DAB1: variants seen among roughly 807,000 people sequenced by gnomAD.
DAB1 encodes disabled homolog 1.
DAB1 carries 15 observed loss-of-function variants against 64.6 expected under a neutral mutation model. The observed-to-expected ratio is 0.23, with a 90% CI of 0.16 to 0.36. The LOEUF (loss-of-function observed/expected upper bound fraction) is 0.36, where lower values mean the gene tolerates loss of function less well. Among genes scored for constraint, DAB1 ranks in the 10% least tolerant of loss-of-function variants. The pLI, the probability that DAB1 is intolerant of heterozygous loss-of-function variation, is 1.00. For synonymous variants in DAB1, 235 were observed against 251.9 expected, an observed-to-expected ratio of 0.93 and a Z score of 0.64; for missense variants, 596 against 706.7, an observed-to-expected ratio of 0.84 and a Z score of 1.78.
intron 1 of DAB1, among the ~76,000 whole-genome samples, chr1:57,837,824 C>T (rs1652877550): frequency 6.8e-6 from 1 of 147,638 alleles, no homozygotes; most frequent in African/African-American, 2.5e-5. Context: ...CCACCACTAC[C>T]TCCGCCCCCA....
intron 6 of DAB1, among the ~76,000 whole-genome samples, chr1:57,688,875 G>T (rs960295497): frequency 6.6e-5 from 10 of 152,036 alleles, no homozygotes; most frequent in African/African-American, 2.4e-4. Context: ...GGGTAGTAGT[G>T]GACATAAAGA....
Position 58,308,048 on chromosome 1 carries a change from A to G in DAB1, n.309+35304T>C, listed in dbSNP as rs550168700. Among the ~76,000 whole-genome samples the G allele has an allele frequency of 6.6e-5, 10 of 152,230 alleles. 3 individuals are homozygous for G. In the South Asian group the frequency reaches 2.1e-3, roughly 32 times the overall value. On this transcript the variant is annotated intron_variant and non_coding_transcript_variant, in intron 4 of 20. Coordinates refer to the DAB1 transcript ENST00000485760. Reference sequence around the variant, plus strand: ...GAAGGAGAAAGGAGACTCTAGAAAAATTCAGCTTATTCTGCAGTGCAAATT... The same window carrying G: ...GAAGGAGAAAGGAGACTCTAGAAAAGTTCAGCTTATTCTGCAGTGCAAATT...
intron 5 of DAB1, among the ~76,000 whole-genome samples, chr1:57,901,192 T>A (rs771150805): frequency 2.0e-5 from 3 of 152,098 alleles, no homozygotes; most frequent in Non-Finnish European, 2.9e-5. Context: ...TGACCTTCCT[T>A]CTTGCTTTTT....
chr1:57,986,474 A>G (rs1646221854), intron 5 of DAB1, among the ~76,000 whole-genome samples: 1 of 152,178 alleles, frequency 6.6e-6, no homozygotes, highest in African/African-American at 2.4e-5. Context: ...GCCTTTAGAC[A>G]TGTACAAAAT....
intron 5 of DAB1, among the ~76,000 whole-genome samples, chr1:58,129,193 T>C (rs1462426321): frequency 6.6e-6 from 1 of 151,442 alleles, no homozygotes; most frequent in Non-Finnish European, 1.5e-5. Context: ...TGGGAGACTG[T>C]ATGTGTCCAG....
chr1:57,369,395 C>T (rs1680314052), intron 1 of DAB1, among the ~76,000 whole-genome samples: 1 of 150,534 alleles, frequency 6.6e-6, no homozygotes, highest in Admixed American at 6.6e-5. Flanking sequence ...GTCAGAAAAA[C>T]ATTTTTCCCT....
At chr1:57,307,060 C>G (rs1674245103) in intron 1 of DAB1, 1 of 152,204 alleles carries the variant, frequency 6.6e-6, no homozygotes, top group African/African-American at 2.4e-5. Flanking sequence ...CAGAACATAG[C>G]AACAGTGAAA....
chr1:58,416,743 C>T (rs79250455), intron 3 of DAB1, among the ~76,000 whole-genome samples: 5,082 of 152,078 alleles, frequency 0.033, 105 homozygotes, highest in African/African-American at 0.063. Context: ...TCACATGGTG[C>T]ATGCATTCAG....
intron 6 of DAB1, among the ~76,000 whole-genome samples, chr1:57,787,347 C>T (rs1354135650): frequency 6.6e-6 from 1 of 152,012 alleles, no homozygotes; most frequent in African/African-American, 2.4e-5. Flanking sequence ...TGGAACAGAA[C>T]AGTGTCCAAA....
chr1:57,375,756 G>A (rs1411303378), intron 1 of DAB1, among the ~76,000 whole-genome samples: 6 of 152,164 alleles, frequency 3.9e-5, no homozygotes, highest in Admixed American at 3.9e-4. Context: ...GTCTGTGTGT[G>A]TCTATTTGGA....
At chr1:58,114,873 A>G (rs955417150) in intron 5 of DAB1, among the ~76,000 whole-genome samples, 18 of 152,200 alleles carry the variant, frequency 1.2e-4, no homozygotes, top group Admixed American at 1.0e-3. Flanking sequence ...TGATTGGATT[A>G]TGTCTGTGCC....
At chr1:57,601,900 T>A (rs914039524) in intron 7 of DAB1, among the ~76,000 whole-genome samples, 2 of 152,164 alleles carry the variant, frequency 1.3e-5, no homozygotes, top group Non-Finnish European at 2.9e-5. Context: ...CCATGTGTCA[T>A]CATCTTTCAT....
Position 58,449,092 on chromosome 1 carries a change from C to T in DAB1, n.257+56968G>A, listed in dbSNP as rs572887749. Among the ~76,000 whole-genome samples the T allele has an allele frequency of 5.9e-5, 9 of 152,310 alleles. No individual in the cohort carries two copies. In the South Asian group the frequency reaches 6.2e-4, roughly 11 times the overall value. ...AGTGGAATACACTTGGATACATCCA[C>T]GCGTGCATGAATGAATAAATGGCTG... On this transcript the variant is annotated intron_variant and non_coding_transcript_variant, in intron 3 of 20. Coordinates refer to the DAB1 transcript ENST00000485760.
At chr1:57,651,799 T>C (rs1646259477) in intron 6 of DAB1, among the ~76,000 whole-genome samples, 2 of 152,232 alleles carry the variant, frequency 1.3e-5, no homozygotes. Context: ...CTAAGCAATA[T>C]ACAAATATTT....
chr1:57,105,679 A>G (rs1655079856), intron 4 of DAB1, among the ~76,000 whole-genome samples: 1 of 152,090 alleles, frequency 6.6e-6, no homozygotes, highest in African/African-American at 2.4e-5. Flanking sequence ...CCTCTAATCT[A>G]ACCCTCAAAA....
At chr1:57,525,500 A>G (rs950906515) in intron 7 of DAB1, among the ~76,000 whole-genome samples, 1 of 152,220 alleles carries the variant, frequency 6.6e-6, no homozygotes, top group African/African-American at 2.4e-5. Flanking sequence ...AGAGAAAGGA[A>G]ATATAATTAT....
intron 5 of DAB1, among the ~76,000 whole-genome samples, chr1:58,071,363 G>GGTGTGTGTGTGTGTGTGTGTGTGT (rs548977353): frequency 8.1e-5 from 11 of 135,790 alleles, no homozygotes; most frequent in African/African-American, 2.8e-4. Context: ...AAAGGAGAAT[G>GGTGTGTGTGTGTGTGTGTGTGTGT]GTGTGTGTGT....
At chr1:57,004,070 C>G (rs1040704614) in intron 14 of DAB1, among the ~76,000 whole-genome samples, 11 of 152,098 alleles carry the variant, frequency 7.2e-5, no homozygotes, top group African/African-American at 2.7e-4. Context: ...CTGGAAGGGC[C>G]CTCACACCTA....
Position 57,800,179 on chromosome 1 carries a change from T to C in DAB1, n.551+83820A>G, listed in dbSNP as rs142699974. 1.3e-4 allele frequency among the ~76,000 whole-genome samples: 20 copies of C among 152,274 alleles called. No homozygotes were observed. In the East Asian group the frequency reaches 3.9e-3, roughly 29 times the overall value. On this transcript the variant is annotated intron_variant and non_coding_transcript_variant, in intron 6 of 20. Coordinates refer to the DAB1 transcript ENST00000485760. ...GAGGCATGATTTGAAATCCTACCAA[T>C]GGACCATGGGATCTGTGACCTTGAT...
Sources: gnomAD v4.1 joint callset for allele counts (sites outside exome capture counted in the v4.1 genomes callset) on GRCh38, gnomAD v4.1.1 for gene constraint, MANE v1.5 for transcripts, NCBI Gene and HGNC (gene_info 2026-07-23, HGNC 2026-07-21) for gene names.